Variants in STAG3 observed in about 807,000 individuals in gnomAD.
STAG3 encodes the protein STAG3 cohesin complex component.
STAG3 carries 101 observed loss-of-function variants against 160.7 expected under a neutral mutation model. The ratio of observed to expected loss-of-function variants is 0.63; its 90% CI spans 0.54 to 0.74. The LOEUF (loss-of-function observed/expected upper bound fraction) is 0.74, where lower values mean the gene tolerates loss of function less well. Among genes scored for constraint, STAG3 ranks in the 30% least tolerant of loss-of-function variants. STAG3 has a pLI of 0.00. For missense variants in STAG3, 1,188 were observed against 1,517.4 expected (o/e 0.78, Z 3.61); for synonymous variants, 519 against 585.0 (o/e 0.89, Z 1.63).
downstream of STAG3, chr7:100,215,113 A>G (rs929838341): frequency 1.3e-5 from 2 of 152,100 alleles, no homozygotes; most frequent in Non-Finnish European, 1.5e-5. Context: ...GGCTGTTGTC[A>G]TTTTGTACTT....
At position 100,187,541 on chromosome 7, in the gene STAG3, A is replaced by G. The variant is rs556917301; in HGVS notation, c.434-912A>G. The stretch of plus-strand genomic sequence containing the variant: ...GGTACTTTTGGGAGCCTGAGCTGGA[A>G]CTGAAGGTGGAGGTGCAGCCTGGCC... On this transcript the variant is annotated intron_variant, in intron 5 of 33. Transcript: ENST00000615138. Among the ~76,000 whole-genome samples, 6 of 152,290 alleles carry G rather than the reference A, an allele frequency of 3.9e-5. No homozygotes were observed. In the East Asian group the frequency reaches 1.2e-3, roughly 29 times the overall value.
intron 32 of STAG3, chr7:100,212,398 C>T (rs1362889142): frequency 6.6e-6 from 1 of 152,514 alleles, no homozygotes; most frequent in African/African-American, 2.4e-5. Flanking sequence ...GTCCTCAACT[C>T]CATGTCAAGT....
In STAG3 at chr7:100,182,718, A is replaced by G; in HGVS notation, c.220-5A>G. Reference sequence around the variant, plus strand: ...TCATATTTCTGATCTTTTTATACATATTAGGTGGCAAAACATCCAAAGAAA... The same window carrying G: ...TCATATTTCTGATCTTTTTATACATGTTAGGTGGCAAAACATCCAAAGAAA... On this transcript the variant is annotated splice_polypyrimidine_tract_variant and splice_region_variant and intron_variant, in intron 3 of 33. Transcript: ENST00000615138. 1 of 1,613,762 alleles carries G rather than the reference A, an allele frequency of 6.2e-7. No individual in the cohort carries two copies. Among genetic ancestry groups the G allele is most frequent in the South Asian group, 1.1e-5 (1 of 91,026 alleles).
rs575995318 is a variant in STAG3 at position 100,211,271 on chromosome 7, C to T, written c.3413+86C>T. The T allele has an allele frequency of 8.3e-5, 125 of 1,498,864 alleles. 1 individual carries two copies. Among genetic ancestry groups the T allele is most frequent in the Admixed American group, 2.4e-4 (11 of 46,432 alleles). 92.8% of individuals were successfully genotyped at this position (1,498,864 alleles called of 1,614,324 possible). ...TCTTGCTGTTTCTGTTTCATGGTTC[C>T]CTGCTGTAGCACTCCCACATTGTTG... On this transcript the variant is annotated intron_variant, in intron 30 of 33. Coordinates refer to ENST00000615138, the MANE Select transcript of STAG3 (RefSeq NM_001282717.2).
chr7:100,211,319 A>G (rs1802181523), intron 30 of STAG3, 116 bp from the exon 31 acceptor site: 13 of 1,476,098 alleles, frequency 8.8e-6, no homozygotes, highest in South Asian at 1.3e-5. Context: ...ACCCTTCTCC[A>G]TTGTTTAGCT....
chr7:100,213,861 C>T, intron 33 of STAG3, 55 bp downstream of exon 33: 1 of 1,613,836 alleles, frequency 6.2e-7, no homozygotes, highest in Non-Finnish European at 8.5e-7. Context: ...GGCAGGCAAC[C>T]CGTGCACTCA....
chr7:100,192,772 G>T (rs1229517109), intron 8 of STAG3, among the ~76,000 whole-genome samples: 1 of 152,014 alleles, frequency 6.6e-6, no homozygotes, highest in Non-Finnish European at 1.5e-5. Flanking sequence ...TTTTGTTTCT[G>T]TAGAGACAGG....
rs1463064212 is a variant in STAG3 at position 100,211,037 on chromosome 7, G to A, written c.3265G>A (p.Val1089Ile). 10 of 1,613,686 alleles carry A rather than the reference G, an allele frequency of 6.2e-6. No individual in the cohort carries two copies. The highest frequency in any genetic ancestry group is 2.7e-5 in the African/African-American group (2 of 74,894). Residue 1089 changes from valine (V) to isoleucine (I), a missense_variant, in exon 30 of 34, where the codon GTC (valine) becomes ATC (isoleucine). Coordinates refer to ENST00000615138, the MANE Select transcript of STAG3 (RefSeq NM_001282717.2). Reference sequence around the variant, plus strand: ...GCCTGCCAAGCCTAACAGAGAGGACGTCTCCTCGTCCCAGGAAGAAAGTCT... The same window carrying A: ...GCCTGCCAAGCCTAACAGAGAGGACATCTCCTCGTCCCAGGAAGAAAGTCT... Reference protein sequence around the residue: ...EGPAKPNREDVSSSQEESLQL... With the variant: ...EGPAKPNREDISSSQEESLQL...
chr7:100,188,534 A>G lies in STAG3; in HGVS notation c.510+5A>G, dbSNP rs777885692. On this transcript the variant is annotated splice_donor_5th_base_variant and intron_variant, in intron 6 of 33. Transcript: ENST00000615138. ...CTAACAGAGCAGTTTAATGAGGTGGAAGAAGATGACCAGGATCCTCTTACC... is the reference window on the plus strand; with the variant it reads ...CTAACAGAGCAGTTTAATGAGGTGGGAGAAGATGACCAGGATCCTCTTACC... The G allele has an allele frequency of 3.7e-6, 6 of 1,606,190 alleles. No homozygotes were observed. The highest frequency in any genetic ancestry group is 3.3e-5 in the Admixed American group (2 of 59,972).
Position 100,200,537 on chromosome 7 carries a change from G to A in STAG3, c.1855G>A (p.Glu619Lys), listed in dbSNP as rs1185019652. The change falls in exon 18 of 34, where the codon GAG becomes AAG. Residue 619 changes from glutamate to lysine, a missense_variant. Glu to Lys is a moderately conservative substitution (Grantham distance 56). Coordinates refer to ENST00000615138, the MANE Select transcript of STAG3 (RefSeq NM_001282717.2). ...CCACATCTACTGCACTGGGCGCTTG[G>A]AGAAGGTAGGGAGATAGATTTCCTA... ...DLHIYCTGRL[E>K]KHLELFLQQL... is the part of the protein sequence containing the mutation. 16 of 1,613,928 alleles carry A rather than the reference G, an allele frequency of 9.9e-6. No homozygotes were observed. The highest frequency in any genetic ancestry group is 3.3e-5 in the Admixed American group (2 of 60,026).
chr7:100,211,605 T>C, intron 31 of STAG3, 66 bp downstream of exon 31: 1 of 1,553,696 alleles, frequency 6.4e-7, no homozygotes, highest in Non-Finnish European at 8.8e-7. Context: ...GGGATTCCTG[T>C]CTCACCCATT....
rs1358090673 is a variant in STAG3, at chr7:100,207,559, A to G, written c.3238+2175A>G. ...TGTTCTGATCCTTTAGCTATTTTAA[A>G]ATAGGGTTGTCTTTTTATTGTTGAG... On this transcript the variant is annotated intron_variant, in intron 29 of 33. Transcript: ENST00000615138. The surrounding 1 kb of genome is among the most constrained non-coding windows in gnomAD (Gnocchi z 4.0). Among the ~76,000 whole-genome samples, 1 of 152,136 alleles carries G rather than the reference A, an allele frequency of 6.6e-6. No homozygotes were observed. The highest frequency in any genetic ancestry group is 1.5e-5 in the Non-Finnish European group (1 of 68,024).
At chr7:100,202,620 G>A in intron 25 of STAG3, 30 bp downstream of exon 25, 1 of 1,600,362 alleles carries the variant, frequency 6.2e-7, no homozygotes, top group South Asian at 1.1e-5. Context: ...AAATAAAAGA[G>A]AAGGGAGCAA....
chr7:100,210,958 G>A, intron 29 of STAG3, 53 bp from the exon 30 acceptor site: 1 of 1,564,354 alleles, frequency 6.4e-7, no homozygotes, highest in Non-Finnish European at 8.7e-7. Flanking sequence ...TGGAAAGAGA[G>A]CACACCTGTC....
At chr7:100,186,407 G>A in intron 5 of STAG3, 111 bp downstream of exon 5, 1 of 1,082,194 alleles carries the variant, frequency 9.2e-7, no homozygotes, top group Non-Finnish European at 1.4e-6. Context: ...AAGGAAGATG[G>A]TAAAGCATTA....
intron 26 of STAG3, 28 bp from the exon 27 acceptor site, chr7:100,204,599 C>T (rs1436541650): frequency 1.2e-6 from 2 of 1,603,064 alleles, no homozygotes; most frequent in South Asian, 1.1e-5. Flanking sequence ...CCTCCCTTTC[C>T]CACATGCACC....
chr7:100,197,473 T>G (rs1584709102), intron 10 of STAG3, 194 bp downstream of exon 10: 1 of 810,700 alleles, frequency 1.2e-6, no homozygotes, highest in East Asian at 2.6e-5. Flanking sequence ...ACCCAGGAGA[T>G]GAAATGACTC....
intron 32 of STAG3, chr7:100,213,383 A>G (rs535542022): frequency 1.0e-6 from 1 of 985,062 alleles, no homozygotes; most frequent in African/African-American, 1.7e-5. Context: ...ACAGAATAGA[A>G]CAGAACAGGG....
rs1050210754 is a variant in STAG3 at position 100,213,566 on chromosome 7, G to T, written c.3601-169G>T. ...TCAGCAGGCCAAGAAGCGCTCTGCA[G>T]TCAGGCCTGATCCTGGTGCCCACAC... On this transcript the variant is annotated intron_variant, in intron 32 of 33. Transcript: ENST00000615138. 2.0e-5 allele frequency: 20 copies of T among 984,626 alleles called. No individual in the cohort carries two copies. The African/African-American group carries it at 3.5e-4, about 17-fold the overall frequency. 61.0% of individuals were successfully genotyped at this position (984,626 alleles called of 1,614,324 possible).
Sources: gnomAD v4.1 joint callset for allele counts (sites outside exome capture counted in the v4.1 genomes callset) on GRCh38, gnomAD v4.1.1 for gene constraint, Gnocchi (gnomAD v3.1) non-coding constraint, MANE v1.5 for transcripts, NCBI Gene and HGNC (gene_info 2026-07-23, HGNC 2026-07-21) for gene names.